Variants in NFX1 observed in about 807,000 individuals in gnomAD.
The protein encoded by NFX1 is transcriptional repressor NF-X1.
A neutral mutation model predicts 137.2 loss-of-function variants in NFX1; 69 were observed. That is an observed-to-expected ratio of 0.50 (90% CI 0.41 to 0.61). The LOEUF is 0.61. NFX1 is among the 20% of genes least tolerant of loss of function. NFX1 has a pLI of 0.00. For synonymous variants in NFX1, 495 were observed against 474.1 expected (o/e 1.04, Z -0.57); for missense variants, 1,167 against 1,391.0 (o/e 0.84, Z 2.56).
At chr9:33,322,719 C>G (rs1272328817) in intron 9 of NFX1, among the ~76,000 whole-genome samples, 2 of 152,282 alleles carry the variant, frequency 1.3e-5, no homozygotes, top group South Asian at 4.1e-4. Context: ...CCTCAGAGAC[C>G]TTTCCCAGGG....
intron 5 of NFX1, among the ~76,000 whole-genome samples, chr9:33,308,770 A>G (rs749996370): frequency 1.4e-4 from 21 of 152,254 alleles, no homozygotes; most frequent in Non-Finnish European, 2.6e-4. Context: ...GACAATTCTT[A>G]CTTTTACTAC....
At chr9:33,366,001 G>C (rs185257472) in intron 21 of NFX1, 1 of 152,206 alleles carries the variant, frequency 6.6e-6, no homozygotes, top group African/African-American at 2.4e-5. Context: ...CCTTCCATCA[G>C]GGGGGACGGT....
At chr9:33,363,099 C>G (rs1824054392) in intron 19 of NFX1, among the ~76,000 whole-genome samples, 1 of 151,848 alleles carries the variant, frequency 6.6e-6, no homozygotes, top group South Asian at 2.1e-4. Context: ...TCTGTGTATT[C>G]TCACCACAGT....
chr9:33,324,154 A>G (rs1340764362), intron 9 of NFX1, among the ~76,000 whole-genome samples: 4 of 151,572 alleles, frequency 2.6e-5, no homozygotes, highest in Admixed American at 2.6e-4. Context: ...TGAGGCAGGC[A>G]GATCACTTGG....
chr9:33,354,969 A>G (rs1823763831), intron 19 of NFX1, 77 bp downstream of exon 19: 2 of 1,396,224 alleles, frequency 1.4e-6, no homozygotes, highest in Non-Finnish European at 2.0e-6. Context: ...CAACCCTTCA[A>G]ACGTCATTCA....
intron 22 of NFX1, 48 bp from the exon 23 acceptor site, chr9:33,367,467 C>G: frequency 1.1e-5 from 17 of 1,591,368 alleles, no homozygotes; most frequent in Non-Finnish European, 1.4e-5. Context: ...TGTCCATCTC[C>G]ACAAACAATT....
At chr9:33,290,673 T>G in intron 1 of NFX1, 76 bp downstream of exon 1, 1 of 1,440,764 alleles carries the variant, frequency 6.9e-7, no homozygotes, top group South Asian at 1.2e-5. Context: ...TTCTAGGGCC[T>G]CAGCCACTCA....
At chr9:33,353,965 C>G (rs1435675224) in intron 17 of NFX1, 121 bp from the exon 18 acceptor site, 3 of 841,704 alleles carry the variant, frequency 3.6e-6, no homozygotes, top group East Asian at 5.8e-5. Flanking sequence ...GCTGGGCTTA[C>G]AGGCGTGAGC....
intron 1 of NFX1, among the ~76,000 whole-genome samples, chr9:33,291,997 G>T (rs1821179953): frequency 6.6e-6 from 1 of 152,166 alleles, no homozygotes; most frequent in Non-Finnish European, 1.5e-5. Context: ...TTTGGGCTGG[G>T]TATTTTGTTA....
In NFX1 at chr9:33,333,920, G is replaced by A. The variant is rs150339610; in HGVS notation, c.2035+1418G>A. Reference sequence around the variant, plus strand: ...AGCACTTTGGGAGGCCAAGGTGGGCGGATCACCTGAGGTCAGGAGTTCAAG... The same window carrying A: ...AGCACTTTGGGAGGCCAAGGTGGGCAGATCACCTGAGGTCAGGAGTTCAAG... On this transcript the variant is annotated intron_variant, in intron 11 of 23. Transcript: ENST00000379540. 6.5e-3 allele frequency among the ~76,000 whole-genome samples: 988 copies of A among 152,336 alleles called. 7 individuals carry two copies. Among genetic ancestry groups the A allele is most frequent in the African/African-American group, 0.022 (934 of 41,576 alleles).
chr9:33,311,233 T>C (rs1821948998), intron 6 of NFX1, 56 bp downstream of exon 6: 1 of 1,464,302 alleles, frequency 6.8e-7, no homozygotes, highest in Admixed American at 1.7e-5. Flanking sequence ...CATGATTGAC[T>C]TGTGAATTTC....
At chr9:33,366,234 C>G (rs529078110) in intron 21 of NFX1, among the ~76,000 whole-genome samples, 1 of 152,160 alleles carries the variant, frequency 6.6e-6, no homozygotes, top group African/African-American at 2.4e-5. Flanking sequence ...TGAATACTCA[C>G]GATTTTTAAA....
intron 19 of NFX1, 72 bp from the exon 20 acceptor site, chr9:33,363,938 A>C: frequency 1.1e-6 from 1 of 925,776 alleles, no homozygotes; most frequent in Non-Finnish European, 1.6e-6. Context: ...AGGATATAGT[A>C]GGCACTCGGG....
intron 9 of NFX1, among the ~76,000 whole-genome samples, chr9:33,326,490 G>A (rs1008132859): frequency 1.8e-4 from 27 of 151,824 alleles, no homozygotes; most frequent in Non-Finnish European, 3.4e-4. Context: ...AGGCTGAGGT[G>A]GAAGGATCAC....
chr9:33,353,362 T>C (rs115749124), intron 17 of NFX1, among the ~76,000 whole-genome samples: 1,588 of 152,302 alleles, frequency 0.01, 32 homozygotes, highest in African/African-American at 0.036. Context: ...CCTGAAGTCT[T>C]GGGACCTGTG....
intron 12 of NFX1, among the ~76,000 whole-genome samples, chr9:33,341,095 G>A (rs1300349544): frequency 6.6e-6 from 1 of 152,192 alleles, no homozygotes; most frequent in Non-Finnish European, 1.5e-5. Flanking sequence ...GCTGGTACCA[G>A]TTTACTGTAT....
chr9:33,303,283 A>G lies in NFX1; in HGVS notation c.1270+15A>G, dbSNP rs1475160960. On this transcript the variant is annotated intron_variant, in intron 4 of 23. Coordinates refer to ENST00000379540, the MANE Select transcript of NFX1 (RefSeq NM_002504.6). ...TTGTTTCTGTGGTAAGTTTGTTTAT[A>G]TACACTGGAGTCTCTTTTACTACAT... 8 of 1,608,674 alleles carry G rather than the reference A, an allele frequency of 5.0e-6. No homozygotes were observed. The highest frequency in any genetic ancestry group is 6.8e-6 in the Non-Finnish European group (8 of 1,175,124).
intron 19 of NFX1, among the ~76,000 whole-genome samples, chr9:33,362,121 C>CA (rs1365074653): frequency 0.032 from 2,067 of 65,162 alleles, 40 homozygotes; most frequent in African/African-American, 0.091. Context: ...GACCCAGCCT[C>CA]AAAAAAAAAA....
At position 33,295,523 on chromosome 9, in the gene NFX1, G is replaced by A. The variant is rs1424785891; in HGVS notation, c.1033+96G>A. 4 of 1,328,018 alleles carry A rather than the reference G, an allele frequency of 3.0e-6. No homozygotes were observed. In the East Asian group the frequency reaches 1.0e-4, roughly 33 times the overall value. 82.3% of individuals were successfully genotyped at this position (1,328,018 alleles called of 1,614,324 possible). A position where few individuals can be genotyped will look rare whatever the true frequency, so the allele number is the denominator to read the frequency against. ...CATAATTTAGAAAGCAGAAAGTATG[G>A]AAAGTTACACTGTAAAAAGTCTCAA... On this transcript the variant is annotated intron_variant, in intron 2 of 23. Coordinates refer to ENST00000379540, the MANE Select transcript of NFX1 (RefSeq NM_002504.6).
Sources: allele counts gnomAD v4.1 joint callset (sites outside exome capture counted in the v4.1 genomes callset), GRCh38; gene constraint gnomAD v4.1.1; transcripts MANE v1.5; gene names NCBI Gene and HGNC (gene_info 2026-07-23, HGNC 2026-07-21).